The following THSD4 variants were observed in gnomAD, a reference collection of about 807,000 sequenced individuals.
The protein encoded by THSD4 is thrombospondin type-1 domain-containing protein 4.
THSD4 carries 69 observed loss-of-function variants against 119.0 expected under a neutral mutation model. The observed-to-expected ratio is 0.58, with a 90% confidence interval of 0.48 to 0.71. The LOEUF (loss-of-function observed/expected upper bound fraction) is 0.71, where lower values mean the gene tolerates loss of function less well. Ranked by LOEUF, THSD4 falls within the 30% of genes least tolerant of loss-of-function variation. The probability of loss-of-function intolerance (pLI) is 0.00; values close to 1 mark genes in which losing one functional copy is unlikely to be tolerated. For synonymous variants in THSD4, 524 were observed against 540.4 expected, an observed-to-expected ratio of 0.97 and a Z score of 0.42; for missense variants, 1,393 against 1,391.1, an observed-to-expected ratio of 1.00 and a Z score of -0.02.
At chr15:71,617,129 G>A (rs2050332257) in intron 7 of THSD4, among the ~76,000 whole-genome samples, 1 of 152,156 alleles carries the variant, frequency 6.6e-6, no homozygotes, top group South Asian at 2.1e-4. Flanking sequence ...GAAGCTTAGA[G>A]TGATAAACCA....
chr15:71,242,568 T>C (rs1048503167), intron 4 of THSD4, 81 bp from the exon 5 acceptor site: 4 of 1,466,324 alleles, frequency 2.7e-6, no homozygotes, highest in Non-Finnish European at 1.9e-6. Context: ...CCTGGTCCTC[T>C]CTACCACGGA....
At chr15:71,556,081 G>A (rs755524678) in intron 7 of THSD4, among the ~76,000 whole-genome samples, 1 of 152,110 alleles carries the variant, frequency 6.6e-6, no homozygotes, top group Non-Finnish European at 1.5e-5. Flanking sequence ...GGGCAAATCA[G>A]TTCGCATTAT....
chr15:71,626,830 T>C (rs2050518992), intron 7 of THSD4, among the ~76,000 whole-genome samples: 1 of 152,168 alleles, frequency 6.6e-6, no homozygotes, highest in Non-Finnish European at 1.5e-5. Context: ...CTTATCTAGC[T>C]CTGGAATCAA....
chr15:71,676,665 ACT>A (rs1358011076), intron 8 of THSD4, among the ~76,000 whole-genome samples: 3 of 151,806 alleles, frequency 2.0e-5, no homozygotes, highest in Non-Finnish European at 4.4e-5. Flanking sequence ...GGTAACTTCA[ACT>A]CTCTGCCTCA....
intron 7 of THSD4, among the ~76,000 whole-genome samples, chr15:71,465,666 T>G (rs1383639940): frequency 6.6e-6 from 1 of 152,236 alleles, no homozygotes; most frequent in Non-Finnish European, 1.5e-5. Flanking sequence ...CCTCGTCTGT[T>G]GCATTGTCGG....
chr15:71,724,287 A>ATATATATATATATTTTT, intron 8 of THSD4, among the ~76,000 whole-genome samples: 3 of 37,290 alleles, frequency 8.0e-5, no homozygotes, highest in East Asian at 1.8e-3. Context: ...ATATATATAT[A>ATATATATATATATTTTT]TTTTTTTTTT....
intron 6 of THSD4, among the ~76,000 whole-genome samples, chr15:71,322,019 A>T (rs1021905895): frequency 1.3e-5 from 2 of 151,806 alleles, no homozygotes; most frequent in African/African-American, 4.8e-5. Flanking sequence ...AAATGATCAC[A>T]TGGACTTAAA....
chr15:71,505,245 C>T (rs941839797), intron 7 of THSD4, among the ~76,000 whole-genome samples: 2 of 152,192 alleles, frequency 1.3e-5, no homozygotes, highest in African/African-American at 4.8e-5. Context: ...CTAAGATGCC[C>T]AGAACACTGC....
chr15:71,644,119 G>A (rs1293582272), intron 7 of THSD4, among the ~76,000 whole-genome samples: 1 of 152,216 alleles, frequency 6.6e-6, no homozygotes, highest in African/African-American at 2.4e-5. Context: ...CCCAGTGACT[G>A]TCCAAGGTCT....
chr15:71,320,997 C>T (rs1015289584), intron 6 of THSD4, among the ~76,000 whole-genome samples: 1 of 152,252 alleles, frequency 6.6e-6, no homozygotes, highest in South Asian at 2.1e-4. Context: ...AGATAAGATT[C>T]GTTTTGAAAA....
At chr15:71,537,752 TTTTTTTTA>T (rs907592950) in intron 7 of THSD4, among the ~76,000 whole-genome samples, 6 of 152,024 alleles carry the variant, frequency 3.9e-5, no homozygotes, top group African/African-American at 1.4e-4. Context: ...TTAAAAAAAT[TTTTTTTTA>T]TTTTTTTATT....
intron 7 of THSD4, among the ~76,000 whole-genome samples, chr15:71,646,571 A>T (rs965672288): frequency 2.0e-5 from 3 of 152,194 alleles, no homozygotes; most frequent in African/African-American, 7.2e-5. Context: ...CTTTAACTTG[A>T]CTTTAAATAA....
At chr15:71,208,643 C>A (rs1047880282) in intron 3 of THSD4, among the ~76,000 whole-genome samples, 1 of 151,994 alleles carries the variant, frequency 6.6e-6, no homozygotes, top group Non-Finnish European at 1.5e-5. Flanking sequence ...TCCTGAGTAG[C>A]TGGGATTACA....
chr15:71,197,971 G>A (rs1481261566), intron 3 of THSD4, among the ~76,000 whole-genome samples: 3 of 152,212 alleles, frequency 2.0e-5, no homozygotes, highest in African/African-American at 7.2e-5. Flanking sequence ...GCTGGAGAAT[G>A]CAGTCAGGCA....
intron 7 of THSD4, among the ~76,000 whole-genome samples, chr15:71,471,635 G>A (rs1214073168): frequency 6.6e-6 from 1 of 151,488 alleles, no homozygotes; most frequent in African/African-American, 2.4e-5. Context: ...GCTCAGACAT[G>A]CCTGGCTCCA....
intron 10 of THSD4, among the ~76,000 whole-genome samples, chr15:71,734,659 G>A (rs925468630): frequency 3.3e-5 from 5 of 152,078 alleles, no homozygotes; most frequent in Non-Finnish European, 5.9e-5. Context: ...AAGCAATAAT[G>A]ACATGTCCGT....
At chr15:71,661,226 A>G (rs2051299868) in intron 8 of THSD4, among the ~76,000 whole-genome samples, 1 of 152,110 alleles carries the variant, frequency 6.6e-6, no homozygotes, top group East Asian at 1.9e-4. Flanking sequence ...TGTCTTCTGA[A>G]AAGCTGTGGA....
chr15:71,352,803 A>T (rs1035989907), intron 6 of THSD4, among the ~76,000 whole-genome samples: 2 of 152,234 alleles, frequency 1.3e-5, no homozygotes, highest in Admixed American at 6.5e-5. Flanking sequence ...AATTCCAGCC[A>T]GAGTATTGGG....
chr15:71,550,461 G>A (rs1315407569), intron 7 of THSD4, among the ~76,000 whole-genome samples: 2 of 152,216 alleles, frequency 1.3e-5, no homozygotes, highest in Admixed American at 1.3e-4. Context: ...TTTTGAGACA[G>A]AGTCTTGCTC....
Sources: gnomAD v4.1 joint callset for allele counts (sites outside exome capture counted in the v4.1 genomes callset) on GRCh38, gnomAD v4.1.1 for gene constraint, MANE v1.5 for transcripts, NCBI Gene and HGNC (gene_info 2026-07-23, HGNC 2026-07-21) for gene names.